KCNQ5: variants seen among roughly 807,000 people sequenced by gnomAD.
The protein encoded by KCNQ5 is potassium voltage-gated channel subfamily KQT member 5.
A neutral mutation model predicts 98.2 loss-of-function variants in KCNQ5; 30 were observed. The observed-to-expected ratio is 0.31, with a 90% CI of 0.23 to 0.41. KCNQ5 has a LOEUF of 0.41. Among genes scored for constraint, KCNQ5 ranks in the 10% least tolerant of loss-of-function variants. The pLI, the probability that KCNQ5 is intolerant of heterozygous loss-of-function variation, is 1.00. For synonymous variants in KCNQ5, 458 were observed against 449.4 expected (o/e 1.02, Z -0.24); for missense variants, 835 against 1,182.5 (o/e 0.71, Z 4.31).
rs111602166 is a variant in KCNQ5, at chr6:73,067,853, T to G, written c.617-9469T>G. Among the ~76,000 whole-genome samples the G allele has an allele frequency of 9.0e-3, 1,346 of 149,228 alleles. 18 individuals carry two copies. Among genetic ancestry groups the G allele is most frequent in the African/African-American group, 0.032 (1,282 of 39,724 alleles). The stretch of plus-strand genomic sequence containing the variant: ...GCAATACATGGCTATTAAAGATCAT[T>G]TGGACAAAAGATATATATATATATA... On this transcript the variant is annotated intron_variant, in intron 3 of 13. Transcript: ENST00000370398.
At chr6:73,101,734 T>A (rs1562179471) in intron 5 of KCNQ5, among the ~76,000 whole-genome samples, 1 of 152,052 alleles carries the variant, frequency 6.6e-6, no homozygotes, top group Non-Finnish European at 1.5e-5. Flanking sequence ...GAAACACTGA[T>A]GAAAGATATT....
At chr6:72,696,657 T>G (rs1465352370) in intron 1 of KCNQ5, among the ~76,000 whole-genome samples, 1 of 152,192 alleles carries the variant, frequency 6.6e-6, no homozygotes, top group Non-Finnish European at 1.5e-5. Flanking sequence ...GTTATCTGCT[T>G]TAAGAAAATC....
At chr6:72,858,768 G>C (rs1471365743) in intron 1 of KCNQ5, among the ~76,000 whole-genome samples, 1 of 151,932 alleles carries the variant, frequency 6.6e-6, no homozygotes, top group African/African-American at 2.4e-5. Context: ...TGATTGTGGT[G>C]GTGGTTATAA....
intron 2 of KCNQ5, among the ~76,000 whole-genome samples, chr6:73,038,228 G>A (rs1456131309): frequency 1.3e-5 from 2 of 151,882 alleles, no homozygotes; most frequent in East Asian, 1.9e-4. Context: ...ATCATACATC[G>A]TGCAGCCTTA....
At position 72,622,533 on chromosome 6, in the gene KCNQ5, T is replaced by A; in HGVS notation, c.344T>A (p.Leu115Gln). The A allele has an allele frequency of 6.2e-7, 1 of 1,610,706 alleles. No individual in the cohort carries two copies. The highest frequency in any genetic ancestry group is 8.5e-7 in the Non-Finnish European group (1 of 1,178,936). ...AAGTACCGGCGGGTGCAGAACTACC[T>A]GTACAACGTGCTGGAGAGACCCCGC... ...NVKYRRVQNY[L>Q]YNVLERPRGW... is the part of the protein sequence containing the mutation. Residue 115 changes from leucine (L) to glutamine (Q), a missense_variant, in exon 1 of 14, where the codon CTG becomes CAG. Leu to Gln is a moderately radical substitution (Grantham distance 113, BLOSUM62 -2). This residue lies in a region of KCNQ5 where 19 missense variants were observed against 29.6 expected (regional missense o/e 0.64). Transcript: ENST00000370398. This position sits in a 1 kb window ranked among gnomAD's most constrained non-coding sequence, Gnocchi z 6.0.
intron 6 of KCNQ5, among the ~76,000 whole-genome samples, chr6:73,108,258 G>A (rs1384602938): frequency 2.7e-5 from 4 of 149,474 alleles, no homozygotes; most frequent in Non-Finnish European, 5.9e-5. Flanking sequence ...CAGCTCCCCT[G>A]TGTTACCCTG....
intron 1 of KCNQ5, among the ~76,000 whole-genome samples, chr6:72,669,937 T>A (rs753956682): frequency 6.8e-6 from 1 of 146,170 alleles, no homozygotes; most frequent in African/African-American, 2.6e-5. Flanking sequence ...GGAATGTGGA[T>A]GGGCTGAGAA....
intron 2 of KCNQ5, among the ~76,000 whole-genome samples, chr6:73,023,302 G>A (rs1332027357): frequency 6.6e-6 from 1 of 152,074 alleles, no homozygotes; most frequent in Non-Finnish European, 1.5e-5. Flanking sequence ...AAGAACACAT[G>A]GTGTTCGACA....
chr6:72,794,300 GA>G (rs1774211054), intron 1 of KCNQ5, among the ~76,000 whole-genome samples: 1 of 150,006 alleles, frequency 6.7e-6, no homozygotes, highest in Non-Finnish European at 1.5e-5. Context: ...CAGGCATTTA[GA>G]AAGTACGAAA....
chr6:72,963,870 A>T (rs1029295963), intron 1 of KCNQ5, among the ~76,000 whole-genome samples: 1 of 151,978 alleles, frequency 6.6e-6, no homozygotes, highest in African/African-American at 2.4e-5. Context: ...CACCATGTTG[A>T]CCAGCCTGGT....
Position 73,096,930 on chromosome 6 carries a change from C to G in KCNQ5, c.919-8327C>G, listed in dbSNP as rs1774527742. Among the ~76,000 whole-genome samples, 3 of 152,032 alleles carry G rather than the reference C, an allele frequency of 2.0e-5. No homozygotes were observed. In the South Asian group the frequency reaches 6.2e-4, roughly 32 times the overall value. On this transcript the variant is annotated intron_variant, in intron 5 of 13. Transcript: ENST00000370398. ...TGGTGGCGGATGCCTGTAATCCCAG[C>G]TACTCAAGAGGCTGAAACAGGAGAA...
At chr6:73,075,681 A>G (rs1330011284) in intron 3 of KCNQ5, among the ~76,000 whole-genome samples, 1 of 152,210 alleles carries the variant, frequency 6.6e-6, no homozygotes, top group East Asian at 1.9e-4. Context: ...ACAGCTGCCA[A>G]GAGTGGTAAC....
intron 1 of KCNQ5, among the ~76,000 whole-genome samples, chr6:72,947,863 A>T (rs997421174): frequency 2.0e-5 from 3 of 152,164 alleles, no homozygotes; most frequent in African/African-American, 7.2e-5. Flanking sequence ...TTTATAGTTC[A>T]TTTTTGTTTT....
intron 1 of KCNQ5, among the ~76,000 whole-genome samples, chr6:72,773,903 G>C (rs957488461): frequency 3.9e-5 from 6 of 152,086 alleles, no homozygotes; most frequent in Admixed American, 6.6e-5. Context: ...GTATTGGTGA[G>C]AGGTTAGATA....
At chr6:73,031,996 C>T (rs1409792434) in intron 2 of KCNQ5, among the ~76,000 whole-genome samples, 1 of 152,098 alleles carries the variant, frequency 6.6e-6, no homozygotes, top group East Asian at 1.9e-4. Context: ...CATGCCCAGC[C>T]CTGACCTGCC....
intron 1 of KCNQ5, among the ~76,000 whole-genome samples, chr6:72,783,118 A>G (rs1057284500): frequency 6.6e-6 from 1 of 152,202 alleles, no homozygotes; most frequent in Admixed American, 6.5e-5. Context: ...GAGGTTGGGC[A>G]CAAAACAGTT....
intron 1 of KCNQ5, among the ~76,000 whole-genome samples, chr6:72,632,575 T>C (rs2154471633): frequency 6.6e-6 from 1 of 152,322 alleles, no homozygotes; most frequent in Admixed American, 6.5e-5. Context: ...CCCATGGCTC[T>C]TCTCTTCCTC....
rs544922184 is a variant in KCNQ5 at position 72,715,818 on chromosome 6, C to T, written c.398+93231C>T. The stretch of plus-strand genomic sequence containing the variant: ...GATACTAACTAGGATAATTATTTTA[C>T]AAAATCTGAATAATATAATCTCCAT... On this transcript the variant is annotated intron_variant, in intron 1 of 13. Transcript: ENST00000370398. 5.3e-5 allele frequency among the ~76,000 whole-genome samples: 8 copies of T among 152,162 alleles called. No homozygotes were observed. The East Asian group carries it at 1.4e-3, about 26-fold the overall frequency.
intron 1 of KCNQ5, among the ~76,000 whole-genome samples, chr6:72,802,264 C>T (rs944523650): frequency 2.0e-5 from 3 of 152,114 alleles, no homozygotes; most frequent in Non-Finnish European, 2.9e-5. Flanking sequence ...TCAGGTACAC[C>T]AATCAGACGT....
Sources: allele counts gnomAD v4.1 joint callset (sites outside exome capture counted in the v4.1 genomes callset), GRCh38; gene constraint gnomAD v4.1.1; regional missense constraint gnomAD v4.1.1; non-coding constraint Gnocchi (gnomAD v3.1); transcripts MANE v1.5; gene names NCBI Gene and HGNC (gene_info 2026-07-23, HGNC 2026-07-21).